The following PRKCA variants were observed in gnomAD, a reference collection of about 807,000 sequenced individuals.
PRKCA encodes the protein protein kinase C alpha.
Under a neutral mutation model 87.0 loss-of-function variants are expected in PRKCA, and 27 were observed. The observed-to-expected ratio is 0.31, with a 90% CI of 0.23 to 0.43. PRKCA has a LOEUF of 0.43. Among genes scored for constraint, PRKCA ranks in the 20% least tolerant of loss-of-function variants. PRKCA has a pLI of 1.00. For missense variants in PRKCA, 518 were observed against 852.3 expected, an observed-to-expected ratio of 0.61 and a Z score of 4.88; for synonymous variants, 329 against 311.1, an observed-to-expected ratio of 1.06 and a Z score of -0.61.
intron 3 of PRKCA, among the ~76,000 whole-genome samples, chr17:66,570,307 G>T (rs549888290): frequency 6.6e-6 from 1 of 152,164 alleles, no homozygotes; most frequent in African/African-American, 2.4e-5. Flanking sequence ...ATACACAGGC[G>T]AGATTATGTT....
intron 3 of PRKCA, among the ~76,000 whole-genome samples, chr17:66,591,779 C>G (rs1485790341): frequency 6.6e-6 from 1 of 152,172 alleles, no homozygotes; most frequent in East Asian, 1.9e-4. Context: ...AGCTGTCTCC[C>G]AGGTCATCCT....
At chr17:66,324,985 A>C (rs1340206210) in intron 2 of PRKCA, among the ~76,000 whole-genome samples, 1 of 152,222 alleles carries the variant, frequency 6.6e-6, no homozygotes, top group Non-Finnish European at 1.5e-5. Flanking sequence ...CTCCTCTGTG[A>C]ATAAAGAAAA....
intron 2 of PRKCA, among the ~76,000 whole-genome samples, chr17:66,348,199 C>T (rs1187473676): frequency 2.0e-5 from 3 of 152,018 alleles, no homozygotes; most frequent in Non-Finnish European, 2.9e-5. Context: ...GCCTTGGCCT[C>T]GTAAAGTGCT....
At chr17:66,519,556 T>C (rs935192580) in intron 3 of PRKCA, among the ~76,000 whole-genome samples, 8 of 152,176 alleles carry the variant, frequency 5.3e-5, no homozygotes, top group Non-Finnish European at 7.3e-5. Context: ...TCCTCACCTT[T>C]CAATTGGTGA....
intron 3 of PRKCA, among the ~76,000 whole-genome samples, chr17:66,634,607 G>A (rs1342411677): frequency 6.6e-6 from 1 of 152,222 alleles, no homozygotes; most frequent in Non-Finnish European, 1.5e-5. Flanking sequence ...TGATAAAAGT[G>A]TGCTTTGTTA....
At chr17:66,422,269 G>A (rs954280365) in intron 2 of PRKCA, among the ~76,000 whole-genome samples, 2 of 151,996 alleles carry the variant, frequency 1.3e-5, no homozygotes, top group Non-Finnish European at 2.9e-5. Flanking sequence ...ATTTTTGGGG[G>A]GTGAGGTTCA....
chr17:66,376,754 G>C (rs1181085864), intron 2 of PRKCA, among the ~76,000 whole-genome samples: 1 of 152,162 alleles, frequency 6.6e-6, no homozygotes, highest in Admixed American at 6.5e-5. Flanking sequence ...GCCGTCCTGG[G>C]CATCGGCATC....
At chr17:66,624,334 C>T (rs544983739) in intron 3 of PRKCA, among the ~76,000 whole-genome samples, 3 of 152,264 alleles carry the variant, frequency 2.0e-5, no homozygotes, top group East Asian at 1.9e-4. Flanking sequence ...GGCCAGTTAT[C>T]TCCAGACTCT....
At position 66,781,917 on chromosome 17, in the gene PRKCA, TGA is replaced by T. The variant is rs748622860; in HGVS notation, c.1606-4948_1606-4947del. 9.6e-3 allele frequency among the ~76,000 whole-genome samples: 1,365 copies of T among 142,336 alleles called. 13 individuals are homozygous for T. Among genetic ancestry groups the T allele is most frequent in the African/African-American group, 0.017 (627 of 37,664 alleles). The allele number at this position is 142,336 out of a possible 152,430, so 93.4% of individuals were successfully genotyped here. A position where few individuals can be genotyped will look rare whatever the true frequency, so the allele number is the denominator to read the frequency against. The stretch of plus-strand genomic sequence containing the variant: ...GTGTGTGTGTGTGTGTGTGTGTGTG[TGA>T]GTGAGTGTGAGTGTGACAGAGTCTT... On this transcript the variant is annotated intron_variant, in intron 14 of 16. Coordinates refer to ENST00000413366, the MANE Select transcript of PRKCA (RefSeq NM_002737.3).
At chr17:66,640,113 AT>A (rs1971251495) in intron 3 of PRKCA, among the ~76,000 whole-genome samples, 2 of 152,190 alleles carry the variant, frequency 1.3e-5, no homozygotes, top group African/African-American at 4.8e-5. Flanking sequence ...TCTTCTAAGC[AT>A]TTTACAAAGA....
At chr17:66,328,662 G>A (rs573996769) in intron 2 of PRKCA, among the ~76,000 whole-genome samples, 78 of 152,256 alleles carry the variant, frequency 5.1e-4, no homozygotes, top group Non-Finnish European at 8.8e-4. Flanking sequence ...GCCAGGCATG[G>A]TGGCACGTGC....
At chr17:66,673,935 C>T (rs1199659478) in intron 5 of PRKCA, among the ~76,000 whole-genome samples, 1 of 152,218 alleles carries the variant, frequency 6.6e-6, no homozygotes, top group Admixed American at 6.5e-5. Context: ...TGTGCCACTC[C>T]TTTTGGCCTG....
intron 3 of PRKCA, among the ~76,000 whole-genome samples, chr17:66,591,211 G>A (rs995410441): frequency 4.8e-4 from 73 of 152,178 alleles, no homozygotes; most frequent in Middle Eastern, 3.4e-3. Flanking sequence ...GGAATGTAGC[G>A]GCATGATCAG....
intron 3 of PRKCA, among the ~76,000 whole-genome samples, chr17:66,566,024 C>T (rs1968879980): frequency 6.6e-6 from 1 of 152,044 alleles, no homozygotes; most frequent in Non-Finnish European, 1.5e-5. Flanking sequence ...TTTGTGAGCC[C>T]TGAAGATGTT....
chr17:66,660,671 C>T (rs1213455303), intron 5 of PRKCA, among the ~76,000 whole-genome samples: 1 of 152,036 alleles, frequency 6.6e-6, no homozygotes, highest in Admixed American at 6.6e-5. Context: ...GGGCGGATCA[C>T]GAGGTCAGGA....
intron 3 of PRKCA, among the ~76,000 whole-genome samples, chr17:66,632,588 C>T (rs1441470830): frequency 6.6e-6 from 1 of 151,966 alleles, no homozygotes; most frequent in Non-Finnish European, 1.5e-5. Context: ...TTATGTTGCC[C>T]CAGCTAGTCT....
intron 3 of PRKCA, among the ~76,000 whole-genome samples, chr17:66,542,215 T>A (rs1425074522): frequency 6.6e-6 from 1 of 152,238 alleles, no homozygotes; most frequent in Non-Finnish European, 1.5e-5. Flanking sequence ...AGATGGTGAT[T>A]AAAATATGAC....
intron 3 of PRKCA, among the ~76,000 whole-genome samples, chr17:66,529,548 G>C (rs888767955): frequency 6.6e-6 from 1 of 152,114 alleles, no homozygotes; most frequent in Non-Finnish European, 1.5e-5. Context: ...GCTCTTCCTG[G>C]GGTCACCTGG....
chr17:66,356,840 C>T (rs1236688238), intron 2 of PRKCA, among the ~76,000 whole-genome samples: 2 of 152,158 alleles, frequency 1.3e-5, no homozygotes, highest in African/African-American at 4.8e-5. Flanking sequence ...CTGCAGCCTC[C>T]ACCTCTTGGG....
Sources: allele counts gnomAD v4.1 joint callset (sites outside exome capture counted in the v4.1 genomes callset), GRCh38; gene constraint gnomAD v4.1.1; transcripts MANE v1.5; gene names NCBI Gene and HGNC (gene_info 2026-07-23, HGNC 2026-07-21).